The following UBTD2 variants were observed in gnomAD, a reference collection of about 807,000 sequenced individuals.
The protein encoded by UBTD2 is ubiquitin domain containing 2.
UBTD2 carries 9 observed loss-of-function variants against 19.8 expected under a neutral mutation model. The observed-to-expected ratio is 0.46, with a 90% CI of 0.27 to 0.79. UBTD2 has a LOEUF of 0.79. UBTD2 is among the 30% of genes least tolerant of loss of function. The pLI, the probability that UBTD2 is intolerant of heterozygous loss-of-function variation, is 0.14. For missense variants in UBTD2, 250 were observed against 300.4 expected, an observed-to-expected ratio of 0.83 and a Z score of 1.24; for synonymous variants, 98 against 103.9, an observed-to-expected ratio of 0.94 and a Z score of 0.35.
Position 172,210,821 on chromosome 5 carries a change from T to G in UBTD2, c.*1009A>C, listed in dbSNP as rs951592440. On this transcript the variant is annotated 3_prime_UTR_variant, in exon 3 of 3. Transcript: ENST00000393792. The stretch of plus-strand genomic sequence containing the variant: ...CAGGCACAGATAAAATAGGCTTTCC[T>G]TACACCCCTCCATGCAAAGTGGAGG... 8 of 152,154 alleles carry G rather than the reference T, an allele frequency of 5.3e-5. No homozygotes were observed. The highest frequency in any genetic ancestry group is 1.7e-4 in the African/African-American group (7 of 41,432). The allele number at this position is 152,154 out of a possible 1,614,324, so 9.4% of individuals were successfully genotyped here. A position where few individuals can be genotyped will look rare whatever the true frequency, so the allele number is the denominator to read the frequency against.
intron 1 of UBTD2, among the ~76,000 whole-genome samples, chr5:172,258,773 T>C (rs1047282334): frequency 1.3e-5 from 2 of 152,206 alleles, no homozygotes; most frequent in Admixed American, 6.6e-5. Flanking sequence ...TTATTGTGTA[T>C]AGAAATGCTA....
chr5:172,227,204 A>G (rs1333496756), intron 2 of UBTD2, among the ~76,000 whole-genome samples: 5 of 152,186 alleles, frequency 3.3e-5, no homozygotes, highest in Non-Finnish European at 7.3e-5. Flanking sequence ...TTTCAGAGAC[A>G]AGCCTTCTGA....
chr5:172,249,044 C>T (rs1461110165), intron 1 of UBTD2, among the ~76,000 whole-genome samples: 2 of 151,936 alleles, frequency 1.3e-5, no homozygotes, highest in African/African-American at 4.8e-5. Flanking sequence ...AATGAGAAGG[C>T]ACAAATAACT....
chr5:172,260,796 T>C (rs576819256), intron 1 of UBTD2, among the ~76,000 whole-genome samples: 14 of 152,350 alleles, frequency 9.2e-5, no homozygotes, highest in African/African-American at 2.6e-4. Flanking sequence ...CTACTTGTTA[T>C]ATGTTGTGGC....
chr5:172,263,849 C>CTGTGTGTGTGTGTGTGTGTGTGTGTGTG (rs1234224827), intron 1 of UBTD2, among the ~76,000 whole-genome samples: 2 of 34,142 alleles, frequency 5.9e-5, no homozygotes, highest in African/African-American at 3.0e-4. Context: ...ATGCACGTGC[C>CTGTGTGTGTGTGTGTGTGTGTGTGTGTG]TCTGTGTGTG....
chr5:172,235,640 T>C (rs964095779), intron 1 of UBTD2, among the ~76,000 whole-genome samples: 1 of 152,078 alleles, frequency 6.6e-6, no homozygotes, highest in African/African-American at 2.4e-5. Flanking sequence ...CAATGTTATG[T>C]AGTAGTAGCG....
chr5:172,267,793 AAAG>A (rs1200881229), intron 1 of UBTD2, among the ~76,000 whole-genome samples: 1 of 152,258 alleles, frequency 6.6e-6, no homozygotes, highest in Non-Finnish European at 1.5e-5. Flanking sequence ...ATTTAAAAAA[AAAG>A]AAGATTCCAT....
chr5:172,250,933 C>CAAAAAAAAAAAAAA (rs56280728), intron 1 of UBTD2, among the ~76,000 whole-genome samples: 1 of 43,936 alleles, frequency 2.3e-5, no homozygotes, highest in African/African-American at 8.9e-5. Flanking sequence ...GACCCTGTCT[C>CAAAAAAAAAAAAAA]AAAAAAAAAA....
At chr5:172,271,693 C>A (rs761945262) in intron 1 of UBTD2, among the ~76,000 whole-genome samples, 8 of 152,090 alleles carry the variant, frequency 5.3e-5, no homozygotes, top group Non-Finnish European at 1.0e-4. Context: ...TTTAAAGTTT[C>A]AGGAAGAAGC....
intron 2 of UBTD2, among the ~76,000 whole-genome samples, chr5:172,219,089 AACAG>A (rs1420012339): frequency 1.3e-5 from 2 of 152,192 alleles, no homozygotes; most frequent in African/African-American, 2.4e-5. Flanking sequence ...ACTCACACAA[AACAG>A]ACAATCTGAA....
intron 2 of UBTD2, among the ~76,000 whole-genome samples, chr5:172,218,814 A>AT (rs1771598382): frequency 2.8e-5 from 2 of 71,200 alleles, no homozygotes; most frequent in African/African-American, 1.0e-4. Flanking sequence ...AAAAAATAAA[A>AT]AATAAAAATA....
In UBTD2 at chr5:172,211,606, T is replaced by C. The variant is rs1389072075; in HGVS notation, c.*224A>G. On this transcript the variant is annotated 3_prime_UTR_variant, in exon 3 of 3. Coordinates refer to ENST00000393792, the MANE Select transcript of UBTD2 (RefSeq NM_152277.3). Reference sequence around the variant, plus strand: ...TCTATTTCTTAACTGCCTTTCAAATTAGAAATTGTAATTACATGAGTCTCA... The same window carrying C: ...TCTATTTCTTAACTGCCTTTCAAATCAGAAATTGTAATTACATGAGTCTCA... The C allele has an allele frequency of 2.2e-6, 1 of 452,690 alleles. No individual in the cohort carries two copies. Among genetic ancestry groups the C allele is most frequent in the African/African-American group, 2.0e-5 (1 of 50,482 alleles). The allele number at this position is 452,690 out of a possible 1,614,324, so 28.0% of individuals were successfully genotyped here. A position where few individuals can be genotyped will look rare whatever the true frequency, so the allele number is the denominator to read the frequency against.
At chr5:172,230,995 G>A (rs879834236) in intron 2 of UBTD2, among the ~76,000 whole-genome samples, 1 of 152,036 alleles carries the variant, frequency 6.6e-6, no homozygotes, top group Non-Finnish European at 1.5e-5. Context: ...GTGTTAGCCG[G>A]GATGGTCTCG....
chr5:172,252,039 A>G (rs1451966278), intron 1 of UBTD2, among the ~76,000 whole-genome samples: 1 of 152,250 alleles, frequency 6.6e-6, no homozygotes, highest in Admixed American at 6.5e-5. Flanking sequence ...AAAACACATA[A>G]ATGTACACTG....
At chr5:172,236,905 A>G (rs942198291) in intron 1 of UBTD2, among the ~76,000 whole-genome samples, 1 of 152,210 alleles carries the variant, frequency 6.6e-6, no homozygotes, top group African/African-American at 2.4e-5. Context: ...CAACAGAAAA[A>G]CAATCATAAT....
chr5:172,278,077 G>T (rs577805150), intron 1 of UBTD2, among the ~76,000 whole-genome samples: 23 of 152,226 alleles, frequency 1.5e-4, no homozygotes, highest in Non-Finnish European at 2.5e-4. Flanking sequence ...TACACTGCTG[G>T]TAAGAATAAG....
Position 172,283,374 on chromosome 5 carries a change from G to C in UBTD2, c.70+222C>G, listed in dbSNP as rs1268397022. Among the ~76,000 whole-genome samples the C allele has an allele frequency of 3.9e-5, 6 of 152,328 alleles. No individual in the cohort carries two copies. The East Asian group carries it at 1.2e-3, about 29-fold the overall frequency. On this transcript the variant is annotated intron_variant, in intron 1 of 2. Transcript: ENST00000393792. The surrounding 1 kb of genome is among the most constrained non-coding windows in gnomAD (Gnocchi z 4.3). ...AGCGGGGCGGTCGGCGAGGCCAAGG[G>C]CTACGTCCCCGGCGCTCAGAGGACT...
At chr5:172,253,856 G>A (rs913361701) in intron 1 of UBTD2, among the ~76,000 whole-genome samples, 37 of 152,100 alleles carry the variant, frequency 2.4e-4, no homozygotes, top group African/African-American at 8.0e-4. Context: ...TAGTTTACAT[G>A]TTCCCTTGTT....
At position 172,249,428 on chromosome 5, in the gene UBTD2, G is replaced by T. The variant is rs879267587; in HGVS notation, c.71-15070C>A. Among the ~76,000 whole-genome samples, 34 of 56,788 alleles carry T rather than the reference G, an allele frequency of 6.0e-4. 3 individuals carry two copies. The South Asian group carries it at 0.013, about 22-fold the overall frequency. The allele number at this position is 56,788 out of a possible 152,430, so 37.3% of individuals were successfully genotyped here. ...AAAAAAAAAAAAAAAAAAAAAAAAA[G>T]AACAGCAATCCTTCTCAATCTCTTC... On this transcript the variant is annotated intron_variant, in intron 1 of 2. Transcript: ENST00000393792.
Sources: gnomAD v4.1 joint callset for allele counts (sites outside exome capture counted in the v4.1 genomes callset) on GRCh38, gnomAD v4.1.1 for gene constraint, Gnocchi (gnomAD v3.1) non-coding constraint, MANE v1.5 for transcripts, NCBI Gene and HGNC (gene_info 2026-07-23, HGNC 2026-07-21) for gene names.